Variants in FSTL4 observed in about 807,000 individuals in gnomAD.
FSTL4 encodes the protein follistatin-related protein 4.
A neutral mutation model predicts 78.2 loss-of-function variants in FSTL4; 28 were observed. The ratio of observed to expected loss-of-function variants is 0.36; its 90% CI spans 0.27 to 0.49. The LOEUF is 0.49. Among genes scored for constraint, FSTL4 ranks in the 20% least tolerant of loss-of-function variants. The pLI is 0.98. For missense variants in FSTL4, 922 were observed against 1,084.9 expected, an observed-to-expected ratio of 0.85 and a Z score of 2.11; for synonymous variants, 422 against 440.5, an observed-to-expected ratio of 0.96 and a Z score of 0.53.
chr5:133,831,793 G>C, the FSTL4 span, among the ~76,000 whole-genome samples: 3 of 152,206 alleles, frequency 2.0e-5, no homozygotes, highest in East Asian at 5.8e-4. Context: ...TTGTGAGAGA[G>C]GGGACAGGGA....
the FSTL4 span, among the ~76,000 whole-genome samples, chr5:133,822,575 G>A: frequency 2.6e-5 from 4 of 152,086 alleles, no homozygotes; most frequent in Non-Finnish European, 4.4e-5. Flanking sequence ...AGGTGAGGGT[G>A]GAGCCGTGGG....
intron 3 of FSTL4, among the ~76,000 whole-genome samples, chr5:133,469,228 A>G (rs1321233090): frequency 2.0e-5 from 3 of 152,210 alleles, no homozygotes. Flanking sequence ...ATGGCGATCA[A>G]GGTGATAGAT....
the FSTL4 span, among the ~76,000 whole-genome samples, chr5:133,739,241 C>A: frequency 6.6e-6 from 1 of 152,084 alleles, no homozygotes; most frequent in African/African-American, 2.4e-5. Flanking sequence ...CAAAAACCTG[C>A]CACACAGAGC....
At chr5:133,371,545 G>C (rs1271805495) in intron 4 of FSTL4, among the ~76,000 whole-genome samples, 1 of 152,210 alleles carries the variant, frequency 6.6e-6, no homozygotes, top group East Asian at 1.9e-4. Flanking sequence ...GCCTCCACTT[G>C]TCTGGCACAA....
intron 4 of FSTL4, among the ~76,000 whole-genome samples, chr5:133,358,449 G>C (rs577981670): frequency 2.0e-5 from 3 of 152,250 alleles, no homozygotes; most frequent in East Asian, 3.9e-4. Flanking sequence ...GACTCTGAGA[G>C]CAAAGGCAGC....
the FSTL4 span, among the ~76,000 whole-genome samples, chr5:133,770,753 CTTG>C: frequency 1.3e-4 from 20 of 151,764 alleles, no homozygotes; most frequent in African/African-American, 4.8e-4. Flanking sequence ...TTTTGTTATT[CTTG>C]TTGTTGTTTT....
intron 3 of FSTL4, among the ~76,000 whole-genome samples, chr5:133,501,550 T>C (rs1056917275): frequency 3.3e-5 from 5 of 152,130 alleles, no homozygotes; most frequent in Non-Finnish European, 5.9e-5. Context: ...ATGGATGACA[T>C]GGGATCTATT....
At chr5:133,252,481 A>T (rs139782440) in intron 6 of FSTL4, among the ~76,000 whole-genome samples, 9 of 152,266 alleles carry the variant, frequency 5.9e-5, no homozygotes, top group African/African-American at 2.2e-4. Flanking sequence ...GGACATCCAG[A>T]TTTTAACAAG....
chr5:133,269,530 T>A (rs1752721684), intron 6 of FSTL4, among the ~76,000 whole-genome samples: 1 of 152,238 alleles, frequency 6.6e-6, no homozygotes, highest in Non-Finnish European at 1.5e-5. Flanking sequence ...AACATCCGTG[T>A]CTCAGGGTCT....
chr5:133,335,028 A>G (rs1476120111), intron 4 of FSTL4, among the ~76,000 whole-genome samples: 2 of 152,228 alleles, frequency 1.3e-5, no homozygotes, highest in African/African-American at 4.8e-5. Flanking sequence ...TCCAGGAGCT[A>G]GGACACCTTG....
At chr5:133,249,886 G>T (rs998706865) in intron 6 of FSTL4, among the ~76,000 whole-genome samples, 1 of 152,244 alleles carries the variant, frequency 6.6e-6, no homozygotes, top group Non-Finnish European at 1.5e-5. Flanking sequence ...GAAGGCCAGG[G>T]GGCCCACCAC....
intron 4 of FSTL4, among the ~76,000 whole-genome samples, chr5:133,346,099 G>GA (rs2126922180): frequency 1.3e-5 from 2 of 152,308 alleles, no homozygotes; most frequent in African/African-American, 4.8e-5. Flanking sequence ...GCAGGGACAT[G>GA]AATGAAGCCG....
intron 4 of FSTL4, among the ~76,000 whole-genome samples, chr5:133,366,829 C>T (rs1755191658): frequency 6.6e-6 from 1 of 152,004 alleles, no homozygotes; most frequent in Non-Finnish European, 1.5e-5. Flanking sequence ...CAGTTTTGAA[C>T]TGAGGTCTAC....
At chr5:133,556,783 C>T (rs1759797260) in intron 3 of FSTL4, among the ~76,000 whole-genome samples, 1 of 152,112 alleles carries the variant, frequency 6.6e-6, no homozygotes, top group African/African-American at 2.4e-5. Flanking sequence ...AGCGAGCCTC[C>T]ACCAACCCCT....
chr5:133,751,135 C>G, the FSTL4 span, among the ~76,000 whole-genome samples: 1 of 152,124 alleles, frequency 6.6e-6, no homozygotes, highest in Non-Finnish European at 1.5e-5. Context: ...TCAGGGTTCT[C>G]CCCTACTCAG....
At position 133,198,809 on chromosome 5, in the gene FSTL4, T is replaced by A. The variant is rs890177227; in HGVS notation, c.*286A>T. ...AGCAGGATCCCTTGGTTCCATGATG[T>A]CCCCAGGTCACTCGGTGTGCAGCTT... is the stretch of plus-strand genomic sequence containing the variant. On this transcript the variant is annotated 3_prime_UTR_variant, in exon 16 of 16. Transcript: ENST00000265342. 2 of 280,262 alleles carry A rather than the reference T, an allele frequency of 7.1e-6. No homozygotes were observed. The highest frequency in any genetic ancestry group is 3.0e-4 in the South Asian group (2 of 6,702). The allele number at this position is 280,262 out of a possible 1,614,324, so 17.4% of individuals were successfully genotyped here.
At chr5:133,398,994 C>G (rs1321601708) in intron 4 of FSTL4, among the ~76,000 whole-genome samples, 1 of 152,216 alleles carries the variant, frequency 6.6e-6, no homozygotes, top group Non-Finnish European at 1.5e-5. Context: ...GCCTGCCCCC[C>G]GCTCCACGCC....
At chr5:133,622,836 T>C in the FSTL4 span, among the ~76,000 whole-genome samples, 1 of 152,154 alleles carries the variant, frequency 6.6e-6, no homozygotes, top group African/African-American at 2.4e-5. Flanking sequence ...AGAAATGTTT[T>C]CCTCCAGTCT....
the FSTL4 span, among the ~76,000 whole-genome samples, chr5:133,776,173 C>T: frequency 6.6e-6 from 1 of 152,154 alleles, no homozygotes; most frequent in Admixed American, 6.5e-5. Context: ...GGGTGGCAGC[C>T]TACAGAGACT....
Sources: gnomAD v4.1 joint callset for allele counts (sites outside exome capture counted in the v4.1 genomes callset) on GRCh38, gnomAD v4.1.1 for gene constraint, MANE v1.5 for transcripts, NCBI Gene and HGNC (gene_info 2026-07-23, HGNC 2026-07-21) for gene names.